The following RABGAP1L variants were observed in gnomAD, a reference collection of about 807,000 sequenced individuals.
RABGAP1L encodes the protein rab GTPase-activating protein 1-like.
RABGAP1L carries 63 observed loss-of-function variants against 137.7 expected under a neutral mutation model. The observed-to-expected ratio is 0.46, with a 90% confidence interval of 0.37 to 0.56. The LOEUF (loss-of-function observed/expected upper bound fraction) is 0.56. RABGAP1L is among the 20% of genes least tolerant of loss of function. The pLI is 0.00. For synonymous variants in RABGAP1L, 431 were observed against 433.7 expected, an observed-to-expected ratio of 0.99 and a Z score of 0.08; for missense variants, 1,095 against 1,244.0, an observed-to-expected ratio of 0.88 and a Z score of 1.80.
intron 14 of RABGAP1L, among the ~76,000 whole-genome samples, chr1:174,649,562 G>A (rs553612300): frequency 1.3e-5 from 2 of 152,134 alleles, no homozygotes; most frequent in Non-Finnish European, 2.9e-5. Context: ...TTTCCTCAGA[G>A]AGATCCGCTG....
At chr1:174,858,281 G>A (rs1277649102) in intron 19 of RABGAP1L, among the ~76,000 whole-genome samples, 1 of 152,116 alleles carries the variant, frequency 6.6e-6, no homozygotes, top group Non-Finnish European at 1.5e-5. Flanking sequence ...GCTTCTCAAA[G>A]TATTGGAATT....
intron 13 of RABGAP1L, among the ~76,000 whole-genome samples, chr1:174,503,736 A>C (rs1661560260): frequency 6.6e-6 from 1 of 151,898 alleles, no homozygotes. Context: ...CTATCTAAAC[A>C]AGAAATGAAG....
chr1:174,515,272 A>C (rs917466621), intron 13 of RABGAP1L, among the ~76,000 whole-genome samples: 17 of 152,192 alleles, frequency 1.1e-4, no homozygotes, highest in Non-Finnish European at 4.4e-5. Flanking sequence ...AATATCCACC[A>C]CTTTTGGGAA....
chr1:174,373,541 C>T (rs145146022), intron 12 of RABGAP1L, among the ~76,000 whole-genome samples: 72 of 152,288 alleles, frequency 4.7e-4, no homozygotes, highest in African/African-American at 1.7e-3. Context: ...TGAGGATCCT[C>T]ATAGCAGCTA....
chr1:174,963,172 T>C (rs1435151307), intron 20 of RABGAP1L, among the ~76,000 whole-genome samples: 1 of 152,086 alleles, frequency 6.6e-6, no homozygotes, highest in African/African-American at 2.4e-5. Context: ...TCCCAAAAAC[T>C]GTGTTGGCTT....
At chr1:174,349,863 A>ACC (rs769557346) in intron 11 of RABGAP1L, among the ~76,000 whole-genome samples, 10 of 84,136 alleles carry the variant, frequency 1.2e-4, no homozygotes, top group Middle Eastern at 0.011. Flanking sequence ...CGGGGCGCTG[A>ACC]CCCCCCCACC....
chr1:174,332,044 A>G (rs1392951109), intron 11 of RABGAP1L, among the ~76,000 whole-genome samples: 1 of 152,116 alleles, frequency 6.6e-6, no homozygotes, highest in African/African-American at 2.4e-5. Flanking sequence ...TGTTCTTAGT[A>G]GAAAATCTGT....
At chr1:174,570,695 TAAAA>T (rs1268722125) in intron 13 of RABGAP1L, among the ~76,000 whole-genome samples, 1 of 151,878 alleles carries the variant, frequency 6.6e-6, no homozygotes, top group Admixed American at 6.6e-5. Context: ...AAAAAATAAA[TAAAA>T]AGACAAAAAA....
At chr1:174,934,745 A>C (rs6684515) in intron 19 of RABGAP1L, among the ~76,000 whole-genome samples, 56,614 of 152,028 alleles carry the variant, frequency 0.37, 13,909 homozygotes, top group African/African-American at 0.7. Flanking sequence ...AAACTGAGAT[A>C]ATACCACTGC....
In RABGAP1L at chr1:174,854,644, A is replaced by G. The variant is rs1648938004; in HGVS notation, c.2340+42684A>G. On this transcript the variant is annotated intron_variant, in intron 19 of 25. Transcript: ENST00000681986. ...CAGGAAATGAGTGATAGATTTATAG[A>G]TTCCACCAGTGAATTTGAAAAAAAA... 2.1e-5 allele frequency among the ~76,000 whole-genome samples: 3 copies of G among 145,128 alleles called. No individual in the cohort carries two copies. The South Asian group carries it at 6.7e-4, about 32-fold the overall frequency.
intron 17 of RABGAP1L, among the ~76,000 whole-genome samples, chr1:174,711,487 C>A (rs747308018): frequency 6.6e-6 from 1 of 152,084 alleles, no homozygotes; most frequent in Non-Finnish European, 1.5e-5. Flanking sequence ...ACCCCGCACT[C>A]GGAGCGGCTG....
At chr1:174,697,995 A>G (rs12753017) in intron 15 of RABGAP1L, among the ~76,000 whole-genome samples, 2 of 152,256 alleles carry the variant, frequency 1.3e-5, no homozygotes, top group African/African-American at 4.8e-5. Context: ...TTTGTGGTTT[A>G]TAATTAGAAA....
At chr1:174,491,085 A>G (rs1660180269) in intron 13 of RABGAP1L, among the ~76,000 whole-genome samples, 1 of 151,784 alleles carries the variant, frequency 6.6e-6, no homozygotes, top group African/African-American at 2.4e-5. Context: ...GCTGGTACCT[A>G]AGATGCAAGA....
At chr1:174,185,400 A>G (rs1445700638) in intron 1 of RABGAP1L, among the ~76,000 whole-genome samples, 1 of 152,168 alleles carries the variant, frequency 6.6e-6, no homozygotes, top group East Asian at 1.9e-4. Flanking sequence ...CTTCTTTTAG[A>G]AGGTTTTATT....
intron 13 of RABGAP1L, among the ~76,000 whole-genome samples, chr1:174,451,311 GT>G (rs1655414692): frequency 6.6e-6 from 1 of 152,064 alleles, no homozygotes; most frequent in Non-Finnish European, 1.5e-5. Flanking sequence ...TTTCTTTAAG[GT>G]ATAAATATAG....
At chr1:174,748,106 A>G (rs932753590) in intron 17 of RABGAP1L, among the ~76,000 whole-genome samples, 5 of 152,176 alleles carry the variant, frequency 3.3e-5, no homozygotes, top group Non-Finnish European at 7.4e-5. Context: ...TATTTTGGCT[A>G]TTTAGAGATC....
intron 1 of RABGAP1L, among the ~76,000 whole-genome samples, chr1:174,191,782 G>A (rs1030091375): frequency 3.8e-4 from 58 of 152,220 alleles, no homozygotes; most frequent in Non-Finnish European, 7.4e-5. Flanking sequence ...AGATGCTTGG[G>A]GCATAAGCTG....
At chr1:174,917,932 TAAA>T (rs77326102) in intron 19 of RABGAP1L, among the ~76,000 whole-genome samples, 3 of 116,454 alleles carry the variant, frequency 2.6e-5, no homozygotes, top group Non-Finnish European at 1.8e-5. Flanking sequence ...GACTCTGTCT[TAAA>T]AAAAAAAAAA....
chr1:174,961,585 C>T (rs923848893), intron 20 of RABGAP1L, among the ~76,000 whole-genome samples: 1 of 152,186 alleles, frequency 6.6e-6, no homozygotes, highest in Non-Finnish European at 1.5e-5. Flanking sequence ...TGGCTCTTGC[C>T]TGTAATCCCA....
Sources: gnomAD v4.1 joint callset for allele counts (sites outside exome capture counted in the v4.1 genomes callset) on GRCh38, gnomAD v4.1.1 for gene constraint, MANE v1.5 for transcripts, NCBI Gene and HGNC (gene_info 2026-07-23, HGNC 2026-07-21) for gene names.